SLC16A10: variants seen among roughly 807,000 people sequenced by gnomAD.
SLC16A10 encodes monocarboxylate transporter 10.
In SLC16A10, 27 loss-of-function variants were observed where a neutral mutation model predicts 40.0. The observed-to-expected ratio is 0.67, with a 90% CI of 0.50 to 0.93. The LOEUF is 0.93. Among genes scored for constraint, SLC16A10 ranks in the 40% least tolerant of loss-of-function variants. SLC16A10 has a pLI of 0.00. For missense variants in SLC16A10, 529 were observed against 658.2 expected, an observed-to-expected ratio of 0.80 and a Z score of 2.15; for synonymous variants, 213 against 249.8, an observed-to-expected ratio of 0.85 and a Z score of 1.39.
chr6:111,218,866 G>T lies in SLC16A10; in HGVS notation c.1139G>T (p.Ser380Ile). Residue 380 changes from serine to isoleucine, a missense_variant, in exon 5 of 6, where the codon AGC becomes ATC. Physicochemically the swap from Ser to Ile is moderately radical, Grantham distance 142. Transcript: ENST00000368851. The part of the protein sequence containing the change: ...GLMSMMIPLC[S>I]IFGALIAVCL... ...ATGTCCATGATGATTCCTCTGTGTAGCATCTTTGGGGCCCTCATTGCTGTG... is the reference window on the plus strand; with the variant it reads ...ATGTCCATGATGATTCCTCTGTGTATCATCTTTGGGGCCCTCATTGCTGTG... 6.2e-7 allele frequency: 1 copy of T among 1,614,124 alleles called. No individual in the cohort carries two copies. The highest frequency in any genetic ancestry group is 8.5e-7 in the Non-Finnish European group (1 of 1,180,026).
At chr6:111,182,319 T>TTTC (rs1419237417) in intron 3 of SLC16A10, among the ~76,000 whole-genome samples, 1 of 142,732 alleles carries the variant, frequency 7.0e-6, no homozygotes, top group Non-Finnish European at 1.5e-5. Flanking sequence ...TCTTTTTTTT[T>TTTC]TTTTTTTTTT....
At chr6:111,149,067 A>G (rs546240455) in intron 1 of SLC16A10, among the ~76,000 whole-genome samples, 97 of 152,264 alleles carry the variant, frequency 6.4e-4, no homozygotes, top group African/African-American at 2.2e-3. Flanking sequence ...TTAGCCTTCC[A>G]TTTCATTCTT....
At chr6:111,148,088 C>T (rs1276868151) in intron 1 of SLC16A10, among the ~76,000 whole-genome samples, 8 of 152,188 alleles carry the variant, frequency 5.3e-5, no homozygotes, top group Admixed American at 2.0e-4. Context: ...ACACATCTTT[C>T]TTTCATGCTC....
At chr6:111,109,471 T>C (rs914442685) in intron 1 of SLC16A10, among the ~76,000 whole-genome samples, 7 of 151,304 alleles carry the variant, frequency 4.6e-5, no homozygotes, top group African/African-American at 1.7e-4. Flanking sequence ...TTTTTTTTTT[T>C]CGAGACAGAG....
chr6:111,206,457 T>C, intron 3 of SLC16A10, 135 bp from the exon 4 acceptor site: 1 of 845,254 alleles, frequency 1.2e-6, no homozygotes, highest in Non-Finnish European at 1.9e-6. Context: ...CAGGACAAGT[T>C]TCATAAATAT....
At chr6:111,128,767 A>T (rs1771727074) in intron 1 of SLC16A10, among the ~76,000 whole-genome samples, 1 of 152,002 alleles carries the variant, frequency 6.6e-6, no homozygotes, top group African/African-American at 2.4e-5. Context: ...TTTTTATTGC[A>T]CAGACTATAA....
chr6:111,139,496 T>G (rs1771942629), intron 1 of SLC16A10, among the ~76,000 whole-genome samples: 1 of 152,150 alleles, frequency 6.6e-6, no homozygotes, highest in Non-Finnish European at 1.5e-5. Context: ...GAGACTGGGT[T>G]TCATCATGTT....
chr6:111,148,106 A>G (rs1430371422), intron 1 of SLC16A10, among the ~76,000 whole-genome samples: 1 of 152,212 alleles, frequency 6.6e-6, no homozygotes, highest in Non-Finnish European at 1.5e-5. Context: ...CTCTGGTAGG[A>G]AGATCAAGAT....
At chr6:111,218,140 G>A (rs536305483) in intron 4 of SLC16A10, among the ~76,000 whole-genome samples, 9 of 152,210 alleles carry the variant, frequency 5.9e-5, no homozygotes, top group Admixed American at 5.2e-4. Context: ...AAAAAATCAA[G>A]TGTTTAATGA....
At chr6:111,191,369 A>T (rs796700995) in intron 3 of SLC16A10, among the ~76,000 whole-genome samples, 1 of 152,174 alleles carries the variant, frequency 6.6e-6, no homozygotes, top group Non-Finnish European at 1.5e-5. Flanking sequence ...TTATGGCTGC[A>T]TAGTATTCCA....
intron 2 of SLC16A10, among the ~76,000 whole-genome samples, chr6:111,173,958 G>A (rs1435086206): frequency 6.6e-6 from 1 of 152,172 alleles, no homozygotes; most frequent in Non-Finnish European, 1.5e-5. Flanking sequence ...AAAGATTGGG[G>A]ATTCCTGTAT....
intron 3 of SLC16A10, among the ~76,000 whole-genome samples, chr6:111,192,026 T>G (rs1223025726): frequency 6.6e-6 from 1 of 152,212 alleles, no homozygotes; most frequent in Admixed American, 6.5e-5. Context: ...TTTAATTAGA[T>G]CCAATTTGTC....
Position 111,206,777 on chromosome 6 carries a change from C to T in SLC16A10, c.1086+42C>T, listed in dbSNP as rs375867887. On this transcript the variant is annotated intron_variant, in intron 4 of 5. Coordinates refer to ENST00000368851, the MANE Select transcript of SLC16A10 (RefSeq NM_018593.5). The stretch of plus-strand genomic sequence containing the variant: ...TTTTTCCCCTATCAAAAATTACTCT[C>T]ATCACCCGATGTCTCATTAAATGTA... 3.4e-5 allele frequency: 54 copies of T among 1,596,486 alleles called. No homozygotes were observed. The African/African-American group carries it at 5.5e-4, about 16-fold the overall frequency.
At chr6:111,210,397 T>G (rs1773326156) in intron 4 of SLC16A10, among the ~76,000 whole-genome samples, 1 of 152,240 alleles carries the variant, frequency 6.6e-6, no homozygotes, top group African/African-American at 2.4e-5. Context: ...ATGATCACTT[T>G]GTCAGTACTT....
intron 1 of SLC16A10, among the ~76,000 whole-genome samples, chr6:111,143,410 C>T (rs183707451): frequency 1.4e-4 from 22 of 152,036 alleles, no homozygotes; most frequent in Admixed American, 3.9e-4. Context: ...AGAGACAAGG[C>T]CTTGCTTTTT....
At chr6:111,160,168 G>A (rs1017811220) in intron 1 of SLC16A10, among the ~76,000 whole-genome samples, 5 of 152,104 alleles carry the variant, frequency 3.3e-5, no homozygotes, top group African/African-American at 1.2e-4. Context: ...TTTCTTGTAT[G>A]GGCATTTAGG....
rs1770835124 is a variant in SLC16A10 at position 111,218,974 on chromosome 6, T to A, written c.1247T>A (p.Val416Asp). ...IAFELVGAQDVSQAIGFLLGF... is the reference protein window; with the variant it reads ...IAFELVGAQDDSQAIGFLLGF... ...TTTGAGTTAGTTGGTGCCCAGGATG[T>A]CTCCCAAGCAATTGGATTTCTGCTC... Residue 416 changes from valine (V) to aspartate (D), a missense_variant, in exon 5 of 6, where the codon GTC (valine) becomes GAC (aspartate). Coordinates refer to ENST00000368851, the MANE Select transcript of SLC16A10 (RefSeq NM_018593.5). The A allele has an allele frequency of 6.8e-6, 11 of 1,614,112 alleles. No individual in the cohort carries two copies. Among genetic ancestry groups the A allele is most frequent in the Non-Finnish European group, 9.3e-6 (11 of 1,180,022 alleles).
At chr6:111,097,869 G>A (rs1771102026) in intron 1 of SLC16A10, among the ~76,000 whole-genome samples, 1 of 152,078 alleles carries the variant, frequency 6.6e-6, no homozygotes, top group East Asian at 1.9e-4. Flanking sequence ...TAAATGAAAG[G>A]TCAATGATTA....
chr6:111,198,820 C>T (rs1371931346), intron 3 of SLC16A10, among the ~76,000 whole-genome samples: 1 of 152,172 alleles, frequency 6.6e-6, no homozygotes, highest in Non-Finnish European at 1.5e-5. Context: ...ATCACTAGAT[C>T]AGTCCAAGAA....
Sources: gnomAD v4.1 joint callset for allele counts (sites outside exome capture counted in the v4.1 genomes callset) on GRCh38, gnomAD v4.1.1 for gene constraint, MANE v1.5 for transcripts, NCBI Gene and HGNC (gene_info 2026-07-23, HGNC 2026-07-21) for gene names.